The following TSHB variants were observed in gnomAD, a reference collection of about 807,000 sequenced individuals.
TSHB encodes thyroid stimulating hormone subunit beta.
A neutral mutation model predicts 9.3 loss-of-function variants in TSHB; 9 were observed. That is an observed-to-expected ratio of 0.97 (90% CI 0.58 to 1.69). TSHB has a LOEUF of 1.69. Among genes scored for constraint, TSHB ranks in the 40% most tolerant of loss-of-function variants. TSHB has a pLI of 0.00. For missense variants in TSHB, 182 were observed against 168.5 expected (o/e 1.08, Z -0.44); for synonymous variants, 57 against 57.2 (o/e 1.00, Z 0.01).
intron 1 of TSHB, among the ~76,000 whole-genome samples, chr1:115,031,787 G>A (rs1040620458): frequency 6.6e-6 from 1 of 152,028 alleles, no homozygotes; most frequent in African/African-American, 2.4e-5. Context: ...GATTCCATGA[G>A]TAAGGAATTT....
chr1:115,034,075 CT>C lies in TSHB; in HGVS notation c.266del (p.Leu89ProfsTer13). On this transcript the variant is annotated frameshift_variant, in exon 3 of 3. Coordinates refer to ENST00000256592, the MANE Select transcript of TSHB (RefSeq NM_000549.5). LOFTEE classifies it high-confidence loss of function. Reference protein sequence around the residue: ...YRTVEIPGCPLHVAPYFSYPV... With the variant: ...YRTVEIPGCPXHVAPYFSYPV... Reference sequence around the variant, plus strand: ...GACTGTAGAAATACCAGGATGCCCACTCCATGTTGCTCCCTATTTTTCCTAT... The same window carrying C: ...GACTGTAGAAATACCAGGATGCCCACCCATGTTGCTCCCTATTTTTCCTAT... The C allele has an allele frequency of 6.2e-7, 1 of 1,613,810 alleles. No individual in the cohort carries two copies. Among genetic ancestry groups the C allele is most frequent in the Non-Finnish European group, 8.5e-7 (1 of 1,179,792 alleles).
intron 2 of TSHB, 144 bp from the exon 3 acceptor site, chr1:115,033,829 G>C: frequency 8.7e-7 from 1 of 1,155,578 alleles, no homozygotes; most frequent in Non-Finnish European, 1.3e-6. Flanking sequence ...TGGTTAAGTT[G>C]GTATTGGAGA....
intron 2 of TSHB, 114 bp downstream of exon 2, chr1:115,033,638 G>C (rs1674944668): frequency 9.7e-7 from 1 of 1,029,752 alleles, no homozygotes; most frequent in African/African-American, 1.6e-5. Context: ...AAATCTAATG[G>C]TTATTGGCTC....
rs1674955217 is a variant in TSHB, at chr1:115,033,999, C to T, written c.189C>T (p.Pro63=). ...ATATCAATGGCAAACTGTTTCTTCC[C>T]AAATATGCTCTGTCCCAGGATGTTT... The part of the protein sequence containing the change: ...TRDINGKLFL[P]KYALSQDVCT... The change falls in exon 3 of 3, where the codon CCC becomes CCT. Residue 63 remains proline (P), a synonymous_variant. Coordinates refer to ENST00000256592, the MANE Select transcript of TSHB (RefSeq NM_000549.5). The T allele has an allele frequency of 6.2e-7, 1 of 1,613,484 alleles. No homozygotes were observed. The highest frequency in any genetic ancestry group is 1.3e-5 in the African/African-American group (1 of 74,844).
chr1:115,031,534 A>G (rs575690288), intron 1 of TSHB, among the ~76,000 whole-genome samples: 1 of 152,148 alleles, frequency 6.6e-6, no homozygotes, highest in African/African-American at 2.4e-5. Flanking sequence ...GATTTTATAC[A>G]GAATTATAGA....
At chr1:115,030,222 C>T (rs1361473216) in intron 1 of TSHB, among the ~76,000 whole-genome samples, 1 of 151,982 alleles carries the variant, frequency 6.6e-6, no homozygotes, top group Non-Finnish European at 1.5e-5. Context: ...TAATGGCCAT[C>T]TTTTATGAAA....
intron 1 of TSHB, among the ~76,000 whole-genome samples, chr1:115,031,307 T>A (rs1674889942): frequency 6.6e-6 from 1 of 152,010 alleles, no homozygotes; most frequent in Admixed American, 6.6e-5. Context: ...TTCAAAAAAA[T>A]ATAGAGTATC....
At chr1:115,032,628 T>C (rs1341565399) in intron 1 of TSHB, among the ~76,000 whole-genome samples, 1 of 152,004 alleles carries the variant, frequency 6.6e-6, no homozygotes, top group African/African-American at 2.4e-5. Flanking sequence ...ATCTTCAAGG[T>C]GATCAACTTA....
At chr1:115,030,811 G>A (rs761316214) in intron 1 of TSHB, among the ~76,000 whole-genome samples, 10 of 151,956 alleles carry the variant, frequency 6.6e-5, no homozygotes, top group African/African-American at 9.7e-5. Flanking sequence ...ATTAACTAAC[G>A]CGGATTTGTA....
chr1:115,033,621 AT>A (rs1249539654), intron 2 of TSHB, 97 bp downstream of exon 2: 15 of 1,177,840 alleles, frequency 1.3e-5, no homozygotes, highest in Non-Finnish European at 1.9e-5. Flanking sequence ...TCACAACCTC[AT>A]TTCCCAAATC....
intron 1 of TSHB, among the ~76,000 whole-genome samples, chr1:115,033,125 T>A (rs1213968092): frequency 6.6e-6 from 1 of 151,944 alleles, no homozygotes; most frequent in South Asian, 2.1e-4. Flanking sequence ...ATCCTAAGGG[T>A]TTGGAAGTGG....
intron 1 of TSHB, among the ~76,000 whole-genome samples, chr1:115,031,853 A>G (rs1269254815): frequency 1.3e-5 from 2 of 152,176 alleles, no homozygotes; most frequent in Non-Finnish European, 1.5e-5. Flanking sequence ...GAATGTTTGA[A>G]TATGCAACAT....
At chr1:115,032,200 G>A (rs897894036) in intron 1 of TSHB, among the ~76,000 whole-genome samples, 1 of 151,940 alleles carries the variant, frequency 6.6e-6, no homozygotes, top group Non-Finnish European at 1.5e-5. Context: ...GGAATAGAAG[G>A]TTGATTGAAA....
At chr1:115,031,877 A>G (rs1050857152) in intron 1 of TSHB, among the ~76,000 whole-genome samples, 4 of 152,070 alleles carry the variant, frequency 2.6e-5, no homozygotes, top group Non-Finnish European at 5.9e-5. Flanking sequence ...ATTTAAAAGA[A>G]TTTGTGAGAA....
chr1:115,034,061 T>C lies in TSHB; in HGVS notation c.251T>C (p.Ile84Thr). The C allele has an allele frequency of 6.2e-7, 1 of 1,613,798 alleles. No homozygotes were observed. Among genetic ancestry groups the C allele is most frequent in the African/African-American group, 1.3e-5 (1 of 75,008 alleles). Residue 84 changes from isoleucine to threonine, a missense_variant, in exon 3 of 3, where the codon ATA becomes ACA. Coordinates refer to ENST00000256592, the MANE Select transcript of TSHB (RefSeq NM_000549.5). ...YRDFIYRTVE[I>T]PGCPLHVAPY... ...GACTTCATCTACAGGACTGTAGAAA[T>C]ACCAGGATGCCCACTCCATGTTGCT...
At chr1:115,033,000 T>G (rs1674928474) in intron 1 of TSHB, among the ~76,000 whole-genome samples, 1 of 74,194 alleles carries the variant, frequency 1.3e-5, no homozygotes, top group Non-Finnish European at 2.6e-5. Context: ...TCTAATTGTG[T>G]CAACCTTTTT....
At chr1:115,030,861 C>T (rs1674880453) in intron 1 of TSHB, among the ~76,000 whole-genome samples, 1 of 151,886 alleles carries the variant, frequency 6.6e-6, no homozygotes, top group African/African-American at 2.4e-5. Context: ...ATATAGAGAG[C>T]CAAGTGTTTC....
chr1:115,032,027 C>T (rs1385308360), intron 1 of TSHB, among the ~76,000 whole-genome samples: 3 of 151,982 alleles, frequency 2.0e-5, no homozygotes, highest in Non-Finnish European at 4.4e-5. Flanking sequence ...TCTTTCAGAG[C>T]ACTAGAACAA....
intron 1 of TSHB, among the ~76,000 whole-genome samples, chr1:115,031,995 G>A (rs1330606303): frequency 1.3e-5 from 2 of 151,882 alleles, no homozygotes; most frequent in Non-Finnish European, 2.9e-5. Context: ...ATAATTGTAG[G>A]TCTTAAAGTC....
Sources: allele counts gnomAD v4.1 joint callset (sites outside exome capture counted in the v4.1 genomes callset), GRCh38; gene constraint gnomAD v4.1.1; transcripts MANE v1.5; gene names NCBI Gene and HGNC (gene_info 2026-07-23, HGNC 2026-07-21).